The following TMEM231 variants were observed in gnomAD, a reference collection of about 807,000 sequenced individuals.
TMEM231 encodes transmembrane protein 231.
Under a neutral mutation model 38.5 loss-of-function variants are expected in TMEM231, and 40 were observed. The observed-to-expected ratio is 1.04, with a 90% CI of 0.81 to 1.35. The LOEUF (loss-of-function observed/expected upper bound fraction) is 1.35, where lower values mean the gene tolerates loss of function less well. Among genes scored for constraint, TMEM231 ranks in the 40% most tolerant of loss-of-function variants. TMEM231 has a pLI of 0.00. For synonymous variants in TMEM231, 199 were observed against 181.7 expected (o/e 1.10, Z -0.77); for missense variants, 420 against 416.9 (o/e 1.01, Z -0.07).
At chr16:75,554,809 G>C (rs949744730) in intron 2 of TMEM231, 1 of 152,144 alleles carries the variant, frequency 6.6e-6, no homozygotes, top group Admixed American at 6.5e-5. Context: ...AATCATATTA[G>C]GTTGGTGCAA....
chr16:75,551,961 C>CAA (rs60964840), intron 2 of TMEM231, among the ~76,000 whole-genome samples: 49 of 127,372 alleles, frequency 3.8e-4, no homozygotes, highest in East Asian at 2.5e-3. Flanking sequence ...GACTTCATCT[C>CAA]AAAAAAAAAA....
At chr16:75,549,643 A>G (rs2080732724) in intron 2 of TMEM231, among the ~76,000 whole-genome samples, 1 of 152,234 alleles carries the variant, frequency 6.6e-6, no homozygotes, top group Non-Finnish European at 1.5e-5. Flanking sequence ...TCATGGTTAA[A>G]GGAGGATAAC....
chr16:75,540,264 A>G, intron 6 of TMEM231, 90 bp from the exon 7 acceptor site: 2 of 1,336,324 alleles, frequency 1.5e-6, no homozygotes, highest in Non-Finnish European at 2.0e-6. Flanking sequence ...GGTATCTCGA[A>G]AGGAGGCAGG....
At position 75,541,199 on chromosome 16, in the gene TMEM231, T is replaced by G. The variant is rs1212488104; in HGVS notation, c.770+151A>C. 5 of 373,570 alleles carry G rather than the reference T, an allele frequency of 1.3e-5. No individual in the cohort carries two copies. The East Asian group carries it at 1.7e-4, about 13-fold the overall frequency. The allele number at this position is 373,570 out of a possible 1,614,324, so 23.1% of individuals were successfully genotyped here. On this transcript the variant is annotated intron_variant, in intron 6 of 6. Transcript: ENST00000258173. ...TGGCTAATTTTTTTTTTTTTTTTTT[T>G]GGTAGAGACAGGGACTCACTATCTT... is the stretch of plus-strand genomic sequence containing the variant.
chr16:75,542,495 G>A, intron 5 of TMEM231, 107 bp downstream of exon 5: 4 of 980,280 alleles, frequency 4.1e-6, no homozygotes, highest in South Asian at 2.6e-5. Flanking sequence ...AGCATTCACG[G>A]GTTTTGACAT....
intron 2 of TMEM231, among the ~76,000 whole-genome samples, chr16:75,554,195 C>T (rs191604498): frequency 2.5e-3 from 386 of 152,256 alleles, no homozygotes; most frequent in Middle Eastern, 6.8e-3. Flanking sequence ...ACCATTTCAT[C>T]AAAGAGCTGC....
chr16:75,538,067 C>G lies in TMEM231; in HGVS notation c.*1927G>C, dbSNP rs982162648. ...CAGGTGTGTGCAACCTCTGCCCTCC[C>G]TATTCTTTGCCATTCCAAACCCTTT... On this transcript the variant is annotated 3_prime_UTR_variant, in exon 7 of 7. Transcript: ENST00000258173. The G allele has an allele frequency of 3.9e-5, 6 of 152,356 alleles. No homozygotes were observed. Among genetic ancestry groups the G allele is most frequent in the African/African-American group, 1.2e-4 (5 of 41,578 alleles). 9.4% of individuals were successfully genotyped at this position (152,356 alleles called of 1,614,324 possible). A position where few individuals can be genotyped will look rare whatever the true frequency, so the allele number is the denominator to read the frequency against.
chr16:75,555,828 A>G lies in TMEM231; in HGVS notation c.285T>C (p.Asp95=). 1 of 1,564,518 alleles carries G rather than the reference A, an allele frequency of 6.4e-7. No individual in the cohort carries two copies. Residue 95 remains aspartate, a synonymous_variant, in exon 2 of 7, where the codon GAT becomes GAC. Transcript: ENST00000258173. ...CCGAAACGAGCGGGACGCGCAGGCG[A>G]TCCCCTTGCAGCCGGTTGAAGGCGG... ...TFPAFNRLQG[D]RLRVPLVSTR...
intron 2 of TMEM231, 125 bp from the exon 3 acceptor site, chr16:75,546,079 TA>T: frequency 6.5e-7 from 1 of 1,547,908 alleles, no homozygotes; most frequent in Non-Finnish European, 8.7e-7. Flanking sequence ...TCTCCTCCAC[TA>T]AAAGAGAAAA....
In TMEM231 at chr16:75,541,421, C is replaced by G; in HGVS notation, c.699G>C (p.Trp233Cys). 1 of 1,611,938 alleles carries G rather than the reference C, an allele frequency of 6.2e-7. No individual in the cohort carries two copies. Residue 233 changes from tryptophan (W) to cysteine (C), a missense_variant, in exon 6 of 7, where the codon TGG becomes TGC. Trp to Cys is a radical substitution (Grantham distance 215, BLOSUM62 -2). Coordinates refer to ENST00000258173, the MANE Select transcript of TMEM231 (RefSeq NM_001077418.3). ...TTVLNDPNPIWLVGRAADAPF... is the reference protein window; with the variant it reads ...TTVLNDPNPICLVGRAADAPF... ...GAGCATCTGCGGCCCTGCCCACCAG[C>G]CAGATGGGGTTGGGATCATTCAGGA...
At position 75,540,054 on chromosome 16, in the gene TMEM231, C is replaced by G; in HGVS notation, c.891G>C (p.Val297=). The change falls in exon 7 of 7, where the codon GTG becomes GTC. Residue 297 remains valine, a synonymous_variant. Coordinates refer to ENST00000258173, the MANE Select transcript of TMEM231 (RefSeq NM_001077418.3). ...IKIFVFQNQV[V]TTIPVTVTPR... ...GCGTCACTGTCACAGGAATGGTGGT[C>G]ACCACCTGATTCTGAAACACGAAGA... 6.2e-7 allele frequency: 1 copy of G among 1,613,722 alleles called. No individual in the cohort carries two copies. The highest frequency in any genetic ancestry group is 8.5e-7 in the Non-Finnish European group (1 of 1,179,704).
rs1020429746 is a variant in TMEM231 at position 75,538,662 on chromosome 16, GGT to G, written c.*1330_*1331del. 1.3e-5 allele frequency: 2 copies of G among 152,138 alleles called. No homozygotes were observed. Among genetic ancestry groups the G allele is most frequent in the African/African-American group, 4.8e-5 (2 of 41,428 alleles). The allele number at this position is 152,138 out of a possible 1,614,324, so 9.4% of individuals were successfully genotyped here. A position where few individuals can be genotyped will look rare whatever the true frequency, so the allele number is the denominator to read the frequency against. On this transcript the variant is annotated 3_prime_UTR_variant, in exon 7 of 7. Transcript: ENST00000258173. ...AAGTAAACTGAGGCACACACTGAGG[GGT>G]GTGTTTCTGGGTGGGCATGAAGCAT... is the stretch of plus-strand genomic sequence containing the variant.
intron 2 of TMEM231, chr16:75,546,225 T>C (rs532775088): frequency 2.6e-5 from 24 of 926,292 alleles, no homozygotes; most frequent in Non-Finnish European, 3.2e-5. Context: ...ATAGTATTTG[T>C]GCCTTTCAGT....
At chr16:75,549,436 G>A (rs1462069656) in intron 2 of TMEM231, among the ~76,000 whole-genome samples, 1 of 152,072 alleles carries the variant, frequency 6.6e-6, no homozygotes, top group East Asian at 1.9e-4. Flanking sequence ...ATTGTCCCAC[G>A]TGATTCCTCT....
intron 2 of TMEM231, among the ~76,000 whole-genome samples, chr16:75,551,013 G>A (rs543123736): frequency 6.6e-6 from 1 of 151,850 alleles, no homozygotes; most frequent in Non-Finnish European, 1.5e-5. Flanking sequence ...CACTGCGCCC[G>A]GCCCATATTC....
At chr16:75,555,469 T>C in intron 2 of TMEM231, 1 of 318,936 alleles carries the variant, frequency 3.1e-6, no homozygotes, top group Non-Finnish European at 5.7e-6. Context: ...GGCTCCTAAA[T>C]GGACTTTCAC....
At position 75,538,862 on chromosome 16, in the gene TMEM231, T is replaced by A. The variant is rs773177729; in HGVS notation, c.*1132A>T. The stretch of plus-strand genomic sequence containing the variant: ...CATCTCTGCTCCTGCAGACACTTGC[T>A]TAGCCACGAGGGTAATCCACTGGAC... On this transcript the variant is annotated 3_prime_UTR_variant, in exon 7 of 7. Coordinates refer to ENST00000258173, the MANE Select transcript of TMEM231 (RefSeq NM_001077418.3). The A allele has an allele frequency of 6.6e-6, 1 of 152,366 alleles. No homozygotes were observed. Among genetic ancestry groups the A allele is most frequent in the African/African-American group, 2.4e-5 (1 of 41,474 alleles). 9.4% of individuals were successfully genotyped at this position (152,366 alleles called of 1,614,324 possible). A position where few individuals can be genotyped will look rare whatever the true frequency, so the allele number is the denominator to read the frequency against.
chr16:75,547,001 T>G (rs1190652820), intron 2 of TMEM231, among the ~76,000 whole-genome samples: 1 of 152,196 alleles, frequency 6.6e-6, no homozygotes, highest in Non-Finnish European at 1.5e-5. Flanking sequence ...ATGAAGCATA[T>G]GTAGGCAGTG....
chr16:75,554,914 G>A (rs1028300175), intron 2 of TMEM231: 2 of 152,050 alleles, frequency 1.3e-5, no homozygotes, highest in African/African-American at 2.4e-5. Context: ...TTATTTATAC[G>A]ACCAATCGGA....
Sources: allele counts gnomAD v4.1 joint callset (sites outside exome capture counted in the v4.1 genomes callset), GRCh38; gene constraint gnomAD v4.1.1; transcripts MANE v1.5; gene names NCBI Gene and HGNC (gene_info 2026-07-23, HGNC 2026-07-21).